Variants in ELP6 observed in about 807,000 individuals in gnomAD.
ELP6 encodes elongator acetyltransferase complex subunit 6.
ELP6 carries 23 observed loss-of-function variants against 28.1 expected under a neutral mutation model. That is an observed-to-expected ratio of 0.82 (90% CI 0.59 to 1.16). The LOEUF is 1.16. ELP6 is among the 50% of genes most tolerant of loss of function. ELP6 has a pLI of 0.00. For synonymous variants in ELP6, 132 were observed against 135.8 expected (o/e 0.97, Z 0.19); for missense variants, 313 against 334.6 (o/e 0.94, Z 0.50).
intron 4 of ELP6, among the ~76,000 whole-genome samples, chr3:47,503,937 T>C (rs1351373153): frequency 1.3e-5 from 2 of 151,892 alleles, no homozygotes; most frequent in Non-Finnish European, 2.9e-5. Flanking sequence ...AGACAAACAG[T>C]TTAAAAAATA....
At position 47,510,134 on chromosome 3, in the gene ELP6, G is replaced by A; in HGVS notation, c.204+50C>T. 3 of 1,385,562 alleles carry A rather than the reference G, an allele frequency of 2.2e-6. 1 individual carries two copies. In the South Asian group the frequency reaches 3.5e-5, roughly 16 times the overall value. The allele number at this position is 1,385,562 out of a possible 1,614,324, so 85.8% of individuals were successfully genotyped here. ...GAAAGCCAAGCTTTAGACCATGTGT[G>A]ACACACACACTCACTCAGGGACCTC... On this transcript the variant is annotated intron_variant, in intron 3 of 6. Transcript: ENST00000296149.
At chr3:47,501,560 TA>T in intron 5 of ELP6, 89 bp downstream of exon 5, 1 of 1,370,202 alleles carries the variant, frequency 7.3e-7, no homozygotes, top group East Asian at 2.3e-5. Context: ...CCCAAGCAAA[TA>T]AAAAGATCAC....
At chr3:47,497,153 G>A (rs984490685) in intron 6 of ELP6, 55 of 984,994 alleles carry the variant, frequency 5.6e-5, no homozygotes, top group Middle Eastern at 1.0e-3. Context: ...AGGCTTGGGA[G>A]TGGTTCCAGA....
Position 47,495,741 on chromosome 3 carries a change from C to T in ELP6, c.*328G>A, listed in dbSNP as rs1204509641. On this transcript the variant is annotated 3_prime_UTR_variant, in exon 7 of 7. Transcript: ENST00000296149. ...CTCCTGGCTGGCACATCTATACCCA[C>T]TCTGGCTCTGAAAGGCTTGTCAACC... 1 of 299,564 alleles carries T rather than the reference C, an allele frequency of 3.3e-6. No individual in the cohort carries two copies. Among genetic ancestry groups the T allele is most frequent in the Non-Finnish European group, 6.3e-6 (1 of 159,120 alleles). 18.6% of individuals were successfully genotyped at this position (299,564 alleles called of 1,614,324 possible).
At chr3:47,502,114 A>C (rs1708679966) in intron 4 of ELP6, among the ~76,000 whole-genome samples, 1 of 152,144 alleles carries the variant, frequency 6.6e-6, no homozygotes, top group South Asian at 2.1e-4. Context: ...CGCCCTTAAG[A>C]GACACCATAC....
chr3:47,499,975 G>A, intron 5 of ELP6: 1 of 1,348,336 alleles, frequency 7.4e-7, no homozygotes, highest in Non-Finnish European at 9.9e-7. Flanking sequence ...AGTTTGAGGG[G>A]AAGCTGCTGC....
In ELP6 at chr3:47,498,380, T is replaced by C. The variant is rs149565751; in HGVS notation, c.578A>G (p.Asn193Ser). The change falls in exon 6 of 7, where the codon AAT (asparagine) becomes AGT (serine). Residue 193 changes from asparagine to serine, a missense_variant. By Grantham distance (46) the Asn-to-Ser change is conservative. Transcript: ENST00000296149. ...ACTGAGGCCATTCAGCAGGATGTCA[T>C]TCTCCTCATCCTCCGCATCTCCACT... ...HDSGDAEDEE[N>S]DILLNGLSHQ... 7.6e-4 allele frequency: 1,228 copies of C among 1,613,704 alleles called. No homozygotes were observed. The highest frequency in any genetic ancestry group is 1.3e-3 in the Middle Eastern group (8 of 6,062).
intron 5 of ELP6, among the ~76,000 whole-genome samples, chr3:47,501,316 T>C (rs1358781520): frequency 6.6e-6 from 1 of 152,206 alleles, no homozygotes; most frequent in Admixed American, 6.5e-5. Context: ...TAGTTCATAC[T>C]CATTATTTTA....
intron 3 of ELP6, among the ~76,000 whole-genome samples, chr3:47,508,306 C>T (rs535940226): frequency 6.6e-6 from 1 of 151,922 alleles, no homozygotes; most frequent in South Asian, 2.1e-4. Context: ...TGCAGTGGCA[C>T]GATCTTGGCT....
chr3:47,507,047 C>T lies in ELP6; in HGVS notation c.205-2599G>A, dbSNP rs191708046. Among the ~76,000 whole-genome samples the T allele has an allele frequency of 2.0e-3, 302 of 152,058 alleles. 3 individuals are homozygous for T. Among genetic ancestry groups the T allele is most frequent in the African/African-American group, 6.7e-3 (276 of 41,482 alleles). On this transcript the variant is annotated intron_variant, in intron 3 of 6. Transcript: ENST00000296149. ...CATGAACCACCATCCAATTAAGAAA[C>T]CCTTTAAGATACCTGATTAAAATGT...
At chr3:47,510,899 G>C (rs1708996230) in intron 2 of ELP6, among the ~76,000 whole-genome samples, 1 of 152,154 alleles carries the variant, frequency 6.6e-6, no homozygotes, top group African/African-American at 2.4e-5. Context: ...GTGAGGCAAT[G>C]TCCACACAGT....
At position 47,501,640 on chromosome 3, in the gene ELP6, C is replaced by G; in HGVS notation, c.525+10G>C. ...ACAGGTGGGCGCAGAGAAGGCAGTT[C>G]CATGAGTACCTTTAGTTCCCAGCAC... is the stretch of plus-strand genomic sequence containing the variant. On this transcript the variant is annotated intron_variant, in intron 5 of 6. Coordinates refer to ENST00000296149, the MANE Select transcript of ELP6 (RefSeq NM_001031703.3). 1 of 1,613,848 alleles carries G rather than the reference C, an allele frequency of 6.2e-7. No homozygotes were observed. The highest frequency in any genetic ancestry group is 8.5e-7 in the Non-Finnish European group (1 of 1,179,822).
At position 47,511,237 on chromosome 3, in the gene ELP6, C is replaced by G. The variant is rs1481609978; in HGVS notation, c.55-11G>C. ...TAGAGTCAGTTTCCCCTAAAAGTTA[C>G]AAGGAACACAAAAAGGTTAGACTCC... On this transcript the variant is annotated splice_polypyrimidine_tract_variant and intron_variant, in intron 1 of 6. Coordinates refer to ENST00000296149, the MANE Select transcript of ELP6 (RefSeq NM_001031703.3). 2 of 1,613,442 alleles carry G rather than the reference C, an allele frequency of 1.2e-6. No individual in the cohort carries two copies. Among genetic ancestry groups the G allele is most frequent in the Admixed American group, 3.3e-5 (2 of 59,872 alleles).
At chr3:47,500,003 G>T in intron 5 of ELP6, 1 of 1,314,906 alleles carries the variant, frequency 7.6e-7, no homozygotes. Flanking sequence ...ACACTGGCGG[G>T]TAAATATGTG....
intron 5 of ELP6, chr3:47,501,404 G>A (rs6765990): frequency 0.55 from 284,928 of 521,328 alleles, 81,121 homozygotes; most frequent in Non-Finnish European, 0.6. Context: ...ACCTGGGACT[G>A]CAGCGGTGCC....
rs1488593258 is a variant in ELP6 at position 47,496,054 on chromosome 3, T to C, written c.*15A>G. The C allele has an allele frequency of 6.2e-7, 1 of 1,614,056 alleles. No individual in the cohort carries two copies. Among genetic ancestry groups the C allele is most frequent in the Non-Finnish European group, 8.5e-7 (1 of 1,179,976 alleles). On this transcript the variant is annotated 3_prime_UTR_variant, in exon 7 of 7. Coordinates refer to ENST00000296149, the MANE Select transcript of ELP6 (RefSeq NM_001031703.3). ...AAAAACAGTCCTATGTAGCTTCAGCTGCTCCGAAATCAGGTCACAGAACAG... is the reference window on the plus strand; with the variant it reads ...AAAAACAGTCCTATGTAGCTTCAGCCGCTCCGAAATCAGGTCACAGAACAG...
intron 4 of ELP6, among the ~76,000 whole-genome samples, chr3:47,503,807 C>T (rs1708741204): frequency 6.6e-6 from 1 of 151,928 alleles, no homozygotes; most frequent in Non-Finnish European, 1.5e-5. Context: ...AGGAGAATGG[C>T]GTGAACCTGG....
chr3:47,496,296 C>G (rs1404160813), intron 6 of ELP6, 99 bp from the exon 7 acceptor site: 1 of 1,470,272 alleles, frequency 6.8e-7, no homozygotes, highest in Non-Finnish European at 9.0e-7. Flanking sequence ...GCTGAGGCCT[C>G]TATGAGATGA....
chr3:47,499,619 G>A, intron 5 of ELP6: 1 of 353,662 alleles, frequency 2.8e-6, no homozygotes, highest in Non-Finnish European at 3.9e-6. Context: ...GGGAGGTGGA[G>A]GTTGCAGTGA....
Sources: allele counts gnomAD v4.1 joint callset (sites outside exome capture counted in the v4.1 genomes callset), GRCh38; gene constraint gnomAD v4.1.1; transcripts MANE v1.5; gene names NCBI Gene and HGNC (gene_info 2026-07-23, HGNC 2026-07-21).